RASAL3: variants seen among roughly 807,000 people sequenced by gnomAD.
RASAL3 encodes RAS protein activator like 3.
RASAL3 carries 74 observed loss-of-function variants against 105.5 expected under a neutral mutation model. The observed-to-expected ratio is 0.70, with a 90% CI of 0.58 to 0.85. The LOEUF (loss-of-function observed/expected upper bound fraction) is 0.85. Ranked by LOEUF, RASAL3 falls within the 40% of genes least tolerant of loss-of-function variation. The probability of loss-of-function intolerance (pLI) is 0.00; values close to 1 mark genes in which losing one functional copy is unlikely to be tolerated. For synonymous variants in RASAL3, 579 were observed against 591.6 expected (o/e 0.98, Z 0.31); for missense variants, 1,352 against 1,392.0 (o/e 0.97, Z 0.46).
At chr19:15,461,678 C>A in intron 2 of RASAL3, 71 bp from the exon 3 acceptor site, 2 of 1,432,086 alleles carry the variant, frequency 1.4e-6, no homozygotes, top group Non-Finnish European at 9.1e-7. Flanking sequence ...TTTCCATTCC[C>A]GAAGGCTCAT....
chr19:15,456,238 C>T lies in RASAL3; in HGVS notation c.1587G>A (p.Val529=). 1 of 1,613,690 alleles carries T rather than the reference C, an allele frequency of 6.2e-7. No individual in the cohort carries two copies. Among genetic ancestry groups the T allele is most frequent in the Non-Finnish European group, 8.5e-7 (1 of 1,179,752 alleles). ...CCTCAGTAGAAGCACAGAGACGCCGCACAACCTGTCCTGCAGCCCAGCACA... is the reference window on the plus strand; with the variant it reads ...CCTCAGTAGAAGCACAGAGACGCCGTACAACCTGTCCTGCAGCCCAGCACA... The part of the protein sequence containing the change: ...DYLQETLGQV[V]RRLCASTEDC... The change falls in exon 11 of 18, where the codon GTG becomes GTA. Residue 529 remains valine (V), a synonymous_variant. Coordinates refer to ENST00000343625, the MANE Select transcript of RASAL3 (RefSeq NM_022904.3). This position sits in a 1 kb window ranked among gnomAD's most constrained non-coding sequence, Gnocchi z 4.4.
chr19:15,457,354 G>A lies in RASAL3; in HGVS notation c.1369C>T (p.Gln457Ter), dbSNP rs1273685063. Reference sequence around the variant, plus strand: ...GCTGCCGCCAGCTCCTCCTTGGCCTGCGCAGGCAGCGCGGGCTCCAGGGCC... The same window carrying A: ...GCTGCCGCCAGCTCCTCCTTGGCCTACGCAGGCAGCGCGGGCTCCAGGGCC... ...CGALEPALPA[Q>*]AKEELAAAMV... The change falls in exon 9 of 18, where the codon CAG becomes TAG. Residue 457 changes from glutamine (Q) to a stop codon, truncating the protein, a stop_gained. Coordinates refer to ENST00000343625, the MANE Select transcript of RASAL3 (RefSeq NM_022904.3). LOFTEE classifies it high-confidence loss of function. This position sits in a 1 kb window ranked among gnomAD's most constrained non-coding sequence, Gnocchi z 8.6. 7.1e-7 allele frequency: 1 copy of A among 1,411,764 alleles called. No homozygotes were observed. Among genetic ancestry groups the A allele is most frequent in the South Asian group, 1.4e-5 (1 of 70,832 alleles). The allele number at this position is 1,411,764 out of a possible 1,614,324, so 87.5% of individuals were successfully genotyped here.
intron 2 of RASAL3, among the ~76,000 whole-genome samples, chr19:15,461,884 G>A (rs1970522965): frequency 6.6e-6 from 1 of 152,188 alleles, no homozygotes; most frequent in Non-Finnish European, 1.5e-5. Context: ...GCCATTCAAA[G>A]GGCTATGATA....
chr19:15,462,680 C>T (rs1299512232), intron 2 of RASAL3, among the ~76,000 whole-genome samples: 1 of 151,762 alleles, frequency 6.6e-6, no homozygotes, highest in South Asian at 2.1e-4. Context: ...GGGCCGGGCG[C>T]GGTGGCTCAC....
intron 8 of RASAL3, chr19:15,458,124 C>G (rs1416241231): frequency 1.6e-6 from 1 of 634,994 alleles, no homozygotes; most frequent in Non-Finnish European, 2.7e-6. Context: ...CATATGGGGC[C>G]GGGAGTGGAC....
chr19:15,452,529 T>C, intron 16 of RASAL3, 129 bp downstream of exon 16: 1 of 716,802 alleles, frequency 1.4e-6, no homozygotes, highest in Middle Eastern at 4.3e-4. Context: ...TGGACAGACT[T>C]ATTGGGGCGG....
intron 6 of RASAL3, 126 bp downstream of exon 6, chr19:15,460,077 A>C: frequency 1.3e-6 from 1 of 773,758 alleles, no homozygotes; most frequent in Admixed American, 2.8e-5. Flanking sequence ...CCCAGCATCA[A>C]CTGATGTGGG....
At position 15,464,258 on chromosome 19, in the gene RASAL3, G is replaced by T. The variant is rs199767735; in HGVS notation, c.101C>A (p.Ala34Glu). The T allele has an allele frequency of 1.5e-5, 24 of 1,608,696 alleles. No individual in the cohort carries two copies. The highest frequency in any genetic ancestry group is 3.4e-5 in the Admixed American group (2 of 59,262). ...RWHTGGGGEK[A>E]AGGFRWGRFA... Reference sequence around the variant, plus strand: ...GCGGCCCCAGCGGAACCCTCCAGCCGCCTTCTCCCCACCGCCCCCTGTGTG... The same window carrying T: ...GCGGCCCCAGCGGAACCCTCCAGCCTCCTTCTCCCCACCGCCCCCTGTGTG... Residue 34 changes from alanine (A) to glutamate (E), a missense_variant, in exon 2 of 18, where the codon GCG becomes GAG. By Grantham distance (107) the Ala-to-Glu change is moderately radical. Coordinates refer to ENST00000343625, the MANE Select transcript of RASAL3 (RefSeq NM_022904.3).
At chr19:15,454,071 A>G (rs1970240557) in intron 14 of RASAL3, 78 bp downstream of exon 14, 4 of 1,047,124 alleles carry the variant, frequency 3.8e-6, no homozygotes, top group African/African-American at 1.6e-5. Flanking sequence ...CAATGATCCA[A>G]CTTCACCTCT....
At position 15,453,762 on chromosome 19, in the gene RASAL3, ATT is replaced by A. The variant is rs59747859; in HGVS notation, c.2280-267_2280-266del. 1.4e-5 allele frequency among the ~76,000 whole-genome samples: 2 copies of A among 142,650 alleles called. No homozygotes were observed. Among genetic ancestry groups the A allele is most frequent in the African/African-American group, 2.6e-5 (1 of 38,900 alleles). 93.6% of individuals were successfully genotyped at this position (142,650 alleles called of 152,430 possible). On this transcript the variant is annotated intron_variant, in intron 14 of 17. Coordinates refer to ENST00000343625, the MANE Select transcript of RASAL3 (RefSeq NM_022904.3). The surrounding 1 kb of genome is among the most constrained non-coding windows in gnomAD (Gnocchi z 4.2). ...CAGCACATGCCACTATACCCAGGTA[ATT>A]TTTTTTTTTTTTGGTAGAGATGGGG...
intron 11 of RASAL3, among the ~76,000 whole-genome samples, chr19:15,455,310 T>C (rs1970283616): frequency 6.6e-6 from 1 of 152,112 alleles, no homozygotes; most frequent in Non-Finnish European, 1.5e-5. Context: ...GTCACTTGAT[T>C]GAAGTCAGGG....
chr19:15,452,080 G>A lies in RASAL3; in HGVS notation c.2857C>T (p.Leu953=), dbSNP rs1431861883. 4 of 1,613,804 alleles carry A rather than the reference G, an allele frequency of 2.5e-6. No homozygotes were observed. Among genetic ancestry groups the A allele is most frequent in the Non-Finnish European group, 3.4e-6 (4 of 1,179,866 alleles). The change falls in exon 17 of 18, where the codon CTA becomes TTA. Residue 953 remains leucine, a synonymous_variant. Coordinates refer to ENST00000343625, the MANE Select transcript of RASAL3 (RefSeq NM_022904.3). Reference sequence around the variant, plus strand: ...AGACTGTGCCCTTCATTGCTTGTTAGGTTGTGCTCTGAATCAAACTCTGAG... The same window carrying A: ...AGACTGTGCCCTTCATTGCTTGTTAAGTTGTGCTCTGAATCAAACTCTGAG... The part of the protein sequence containing the change: ...GSSEFDSEHN[L]TSNEGHSLKN...
intron 15 of RASAL3, 125 bp downstream of exon 15, chr19:15,452,982 G>C (rs1048577983): frequency 2.7e-6 from 4 of 1,496,872 alleles, no homozygotes; most frequent in Admixed American, 4.0e-5. Context: ...AGAGGGTCGG[G>C]CTAGGCCTGG....
At chr19:15,454,614 A>G in intron 12 of RASAL3, 43 bp downstream of exon 12, 1 of 1,611,676 alleles carries the variant, frequency 6.2e-7, no homozygotes, top group Non-Finnish European at 8.5e-7. Context: ...CCACCCCCAC[A>G]CTCCCAGCAT....
At position 15,462,891 on chromosome 19, in the gene RASAL3, C is replaced by T. The variant is rs1251512950; in HGVS notation, c.328+1140G>A. 4.0e-5 allele frequency among the ~76,000 whole-genome samples: 6 copies of T among 151,286 alleles called. No homozygotes were observed. In the South Asian group the frequency reaches 6.3e-4, roughly 16 times the overall value. On this transcript the variant is annotated intron_variant, in intron 2 of 17. Coordinates refer to ENST00000343625, the MANE Select transcript of RASAL3 (RefSeq NM_022904.3). The stretch of plus-strand genomic sequence containing the variant: ...GCGTGAACCCAGGAGGCGGAGCTTG[C>T]GGTGAGCCGAGATCGCGCCACTGCA...
intron 2 of RASAL3, 116 bp downstream of exon 2, chr19:15,463,915 G>T: frequency 1.0e-6 from 1 of 969,826 alleles, no homozygotes; most frequent in Non-Finnish European, 1.5e-6. Flanking sequence ...TTCCTGCTGG[G>T]CTTTTGCACT....
Position 15,458,630 on chromosome 19 carries a change from C to A in RASAL3, c.688G>T (p.Glu230Ter). ...DGPPSALGSR[E>*]SLATLSELDL... ...AGTTCAGAGAGTGTGGCCAGCGACT[C>A]CCTAGAGCCCAGAGCACTGGGGGGT... The change falls in exon 7 of 18, where the codon GAG becomes TAG. Residue 230 changes from glutamate to a stop codon, truncating the protein, a stop_gained. Transcript: ENST00000343625. LOFTEE classifies it high-confidence loss of function. The A allele has an allele frequency of 6.2e-7, 1 of 1,613,426 alleles. No homozygotes were observed. Among genetic ancestry groups the A allele is most frequent in the South Asian group, 1.1e-5 (1 of 90,934 alleles).
chr19:15,456,583 A>G lies in RASAL3; in HGVS notation c.1495T>C (p.Phe499Leu), dbSNP rs1416501280. Residue 499 changes from phenylalanine to leucine, a missense_variant, in exon 10 of 18, where the codon TTC (phenylalanine) becomes CTC (leucine). By Grantham distance (22) the Phe-to-Leu change is conservative. Around this residue, in one of 3 missense-constraint regions of RASAL3, gnomAD observed 920 missense variants for 919.6 expected, o/e 1.00. Coordinates refer to ENST00000343625, the MANE Select transcript of RASAL3 (RefSeq NM_022904.3). The surrounding 1 kb of genome is among the most constrained non-coding windows in gnomAD (Gnocchi z 4.4). ...ARCGGREALL[F>L]RENTLATKAI... ...TTGGTGGCCAATGTGTTTTCCCGGA[A>G]CAGCAGCGCCTCACGGCCTCCACAG... 1 of 1,613,638 alleles carries G rather than the reference A, an allele frequency of 6.2e-7. No homozygotes were observed. The highest frequency in any genetic ancestry group is 8.5e-7 in the Non-Finnish European group (1 of 1,179,810).
intron 6 of RASAL3, among the ~76,000 whole-genome samples, chr19:15,459,685 C>T (rs537434886): frequency 8.6e-4 from 130 of 152,026 alleles, no homozygotes; most frequent in African/African-American, 3.0e-3. Flanking sequence ...TACAGGTGCC[C>T]GCCACCATGC....
Sources: allele counts gnomAD v4.1 joint callset (sites outside exome capture counted in the v4.1 genomes callset), GRCh38; gene constraint gnomAD v4.1.1; regional missense constraint gnomAD v4.1.1; non-coding constraint Gnocchi (gnomAD v3.1); transcripts MANE v1.5; gene names NCBI Gene and HGNC (gene_info 2026-07-23, HGNC 2026-07-21).